FAM83F: variants seen among roughly 807,000 people sequenced by gnomAD.
FAM83F encodes the protein protein FAM83F.
In FAM83F, 45 loss-of-function variants were observed where a neutral mutation model predicts 42.9. The observed-to-expected ratio is 1.05, with a 90% CI of 0.83 to 1.35. The LOEUF (loss-of-function observed/expected upper bound fraction) is 1.35. Ranked by LOEUF, FAM83F falls within the 40% of genes most tolerant of loss-of-function variation. The pLI is 0.00. For missense variants in FAM83F, 617 were observed against 695.9 expected (o/e 0.89, Z 1.28); for synonymous variants, 306 against 298.3 (o/e 1.03, Z -0.27).
intron 1 of FAM83F, among the ~76,000 whole-genome samples, chr22:40,016,474 C>T (rs2067492852): frequency 6.6e-6 from 1 of 152,060 alleles, no homozygotes; most frequent in Non-Finnish European, 1.5e-5. Context: ...GCTGGGATTA[C>T]AGGTGTAAGC....
At position 40,000,739 on chromosome 22, in the gene FAM83F, C is replaced by T. The variant is rs186313497; in HGVS notation, c.489+5208C>T. On this transcript the variant is annotated intron_variant, in intron 1 of 4. Transcript: ENST00000333407. ...AGAGCTGGTCCCAATTCTTGACTTG[C>T]TCCTAATACCTTCCTGCCTCCCTCT... 2.6e-3 allele frequency among the ~76,000 whole-genome samples: 392 copies of T among 152,316 alleles called. 3 individuals are homozygous for T. The highest frequency in any genetic ancestry group is 8.7e-3 in the African/African-American group (363 of 41,576).
Position 40,031,797 on chromosome 22 carries a change from A to AC in FAM83F, c.*2238dup, listed in dbSNP as rs1024769742. 3 of 152,020 alleles carry AC rather than the reference A, an allele frequency of 2.0e-5. No homozygotes were observed. Among genetic ancestry groups the AC allele is most frequent in the African/African-American group, 7.3e-5 (3 of 41,368 alleles). 9.4% of individuals were successfully genotyped at this position (152,020 alleles called of 1,614,324 possible). ...GCAGTGTGGACAAGATGGTGTCGGCACCCCCCGCTCCAAAAGGCTTGAGAC... is the reference window on the plus strand; with the variant it reads ...GCAGTGTGGACAAGATGGTGTCGGCACCCCCCCGCTCCAAAAGGCTTGAGAC... On this transcript the variant is annotated 3_prime_UTR_variant, in exon 5 of 5. Coordinates refer to ENST00000333407, the MANE Select transcript of FAM83F (RefSeq NM_138435.4).
Position 40,042,926 on chromosome 22 carries a change from C to T in FAM83F, c.*13361C>T, listed in dbSNP as rs1261302722. 8 of 152,134 alleles carry T rather than the reference C, an allele frequency of 5.3e-5. No homozygotes were observed. Among genetic ancestry groups the T allele is most frequent in the Non-Finnish European group, 1.2e-4 (8 of 68,020 alleles). The allele number at this position is 152,134 out of a possible 1,614,324, so 9.4% of individuals were successfully genotyped here. On this transcript the variant is annotated 3_prime_UTR_variant, in exon 5 of 5. Transcript: ENST00000333407. ...TTCATTGTGTTTTTGAGTTCAGAAT[C>T]CCCATACTGGAAGGCTAATATGGGG...
rs898005172 is a variant in FAM83F, at chr22:40,023,840, G to A, written c.1453+1877G>A. Among the ~76,000 whole-genome samples, 10 of 152,116 alleles carry A rather than the reference G, an allele frequency of 6.6e-5. No homozygotes were observed. The highest frequency in any genetic ancestry group is 2.2e-4 in the African/African-American group (9 of 41,418). ...CAGCCAGGAAGGTCCGGGGATGCCC[G>A]GAACCATCATCCCGTTCCTTGTCCG... On this transcript the variant is annotated intron_variant, in intron 4 of 4. Coordinates refer to ENST00000333407, the MANE Select transcript of FAM83F (RefSeq NM_138435.4). This position sits in a 1 kb window ranked among gnomAD's most constrained non-coding sequence, Gnocchi z 4.1.
At chr22:40,029,078 GACGTGTGTGTGTGTGTGTGTGTGTGTGT>G (rs987754973) in intron 4 of FAM83F, among the ~76,000 whole-genome samples, 2 of 135,234 alleles carry the variant, frequency 1.5e-5, no homozygotes, top group African/African-American at 5.7e-5. Flanking sequence ...CTCTTGGCTA[GACGTGTGTGTGTGTGTGTGTGTGTGTGT>G]GTGTGTGTGT....
intron 4 of FAM83F, among the ~76,000 whole-genome samples, chr22:40,028,986 C>A (rs896620479): frequency 6.6e-6 from 1 of 152,090 alleles, no homozygotes; most frequent in African/African-American, 2.4e-5. Context: ...AATGCGGCAG[C>A]CCGGGAGGGG....
At chr22:40,013,082 CAAAAA>C (rs754625979) in intron 1 of FAM83F, among the ~76,000 whole-genome samples, 6 of 46,394 alleles carry the variant, frequency 1.3e-4, no homozygotes, top group East Asian at 1.6e-3. Context: ...GACTCCGTTT[CAAAAA>C]AAAAAAAAAA....
intron 1 of FAM83F, among the ~76,000 whole-genome samples, chr22:40,005,777 T>C (rs531296688): frequency 6.6e-6 from 1 of 152,302 alleles, no homozygotes; most frequent in Admixed American, 6.5e-5. Context: ...CTGGGTGGAA[T>C]TGGGCTCTGC....
chr22:39,995,484 C>A lies in FAM83F; in HGVS notation c.442C>A (p.Pro148Thr), dbSNP rs867751149. ...CCACCCGCCCAAGGACGAGAAGGCG[C>A]CGCACCTCAAGCAGGTGGTCAGGCA... ...FTHPPKDEKA[P>T]HLKQVVRQMI... is the part of the protein sequence containing the mutation. Residue 148 changes from proline to threonine, a missense_variant, in exon 1 of 5, where the codon CCG (proline) becomes ACG (threonine). Physicochemically the swap from Pro to Thr is conservative, Grantham distance 38. Coordinates refer to ENST00000333407, the MANE Select transcript of FAM83F (RefSeq NM_138435.4). This position sits in a 1 kb window ranked among gnomAD's most constrained non-coding sequence, Gnocchi z 4.6. 1 of 1,578,846 alleles carries A rather than the reference C, an allele frequency of 6.3e-7. No individual in the cohort carries two copies. Among genetic ancestry groups the A allele is most frequent in the East Asian group, 2.3e-5 (1 of 42,784 alleles).
chr22:39,999,011 G>A (rs1166661864), intron 1 of FAM83F: 1 of 152,238 alleles, frequency 6.6e-6, no homozygotes, highest in Non-Finnish European at 1.5e-5. Context: ...TGGCAACTTG[G>A]AAGGATTGTG....
Position 40,039,805 on chromosome 22 carries a change from C to T in FAM83F, c.*10240C>T, listed in dbSNP as rs561983714. 5 of 152,336 alleles carry T rather than the reference C, an allele frequency of 3.3e-5. No homozygotes were observed. The highest frequency in any genetic ancestry group is 4.1e-4 in the South Asian group (2 of 4,828). 9.4% of individuals were successfully genotyped at this position (152,336 alleles called of 1,614,324 possible). A position where few individuals can be genotyped will look rare whatever the true frequency, so the allele number is the denominator to read the frequency against. On this transcript the variant is annotated 3_prime_UTR_variant, in exon 5 of 5. Coordinates refer to ENST00000333407, the MANE Select transcript of FAM83F (RefSeq NM_138435.4). ...CAAAGAAAAGATTCTCAGAGTAAAA[C>T]GTATTGGTGAAGCCATGGAAACAAG...
intron 1 of FAM83F, among the ~76,000 whole-genome samples, chr22:40,005,479 A>G (rs1429496037): frequency 6.6e-6 from 1 of 152,258 alleles, no homozygotes; most frequent in Non-Finnish European, 1.5e-5. Flanking sequence ...GATCTTACAA[A>G]GAATTGCTCT....
chr22:40,020,000 A>G lies in FAM83F; in HGVS notation c.771A>G (p.Gly257=), dbSNP rs1236783935. 1 of 1,612,736 alleles carries G rather than the reference A, an allele frequency of 6.2e-7. No homozygotes were observed. The highest frequency in any genetic ancestry group is 1.1e-5 in the South Asian group (1 of 90,934). Reference sequence around the variant, plus strand: ...TGGACGGTGACAAAGTGGCCACTGGATCTTACAGGTGAGTTGGGCCGGATC... The same window carrying G: ...TGGACGGTGACAAAGTGGCCACTGGGTCTTACAGGTGAGTTGGGCCGGATC... ...LMVDGDKVAT[G]SYRFTWSSSH... is the part of the protein sequence containing the mutation. Residue 257 remains glycine, a synonymous_variant, in exon 3 of 5, where the codon GGA becomes GGG. Transcript: ENST00000333407.
Position 40,037,025 on chromosome 22 carries a change from T to A in FAM83F, c.*7460T>A, listed in dbSNP as rs2146251882. 1 of 152,336 alleles carries A rather than the reference T, an allele frequency of 6.6e-6. No individual in the cohort carries two copies. Among genetic ancestry groups the A allele is most frequent in the Admixed American group, 6.5e-5 (1 of 15,292 alleles). 9.4% of individuals were successfully genotyped at this position (152,336 alleles called of 1,614,324 possible). ...TGTTCCAGTGAAACCTTATGAATACTGAAATCTGAATCCATAATTTTCATG... is the reference window on the plus strand; with the variant it reads ...TGTTCCAGTGAAACCTTATGAATACAGAAATCTGAATCCATAATTTTCATG... On this transcript the variant is annotated 3_prime_UTR_variant, in exon 5 of 5. Transcript: ENST00000333407.
intron 1 of FAM83F, chr22:40,010,215 A>G (rs991787294): frequency 4.0e-5 from 6 of 150,834 alleles, no homozygotes; most frequent in African/African-American, 1.5e-4. Context: ...AGCCCATGAT[A>G]TCATGTTTTT....
chr22:40,009,422 G>T (rs2067451764), intron 1 of FAM83F, among the ~76,000 whole-genome samples: 2 of 152,218 alleles, frequency 1.3e-5, no homozygotes, highest in South Asian at 4.1e-4. Context: ...TCTTTCTCTG[G>T]CCATGCATCT....
At chr22:39,996,622 T>C (rs2067374461) in intron 1 of FAM83F, among the ~76,000 whole-genome samples, 1 of 152,144 alleles carries the variant, frequency 6.6e-6, no homozygotes, top group African/African-American at 2.4e-5. Flanking sequence ...GTGAGTGAGG[T>C]TGGAGTCCTG....
chr22:40,043,142 G>A lies in FAM83F; in HGVS notation c.*13577G>A, dbSNP rs1402803309. On this transcript the variant is annotated 3_prime_UTR_variant, in exon 5 of 5. Coordinates refer to ENST00000333407, the MANE Select transcript of FAM83F (RefSeq NM_138435.4). ...TTGAGCATTGTTACTATGTTACAAT[G>A]GTTGTTTTATTATTAAAGCAGTGCC... 1.6e-4 allele frequency: 24 copies of A among 152,136 alleles called. No homozygotes were observed. Among genetic ancestry groups the A allele is most frequent in the Non-Finnish European group, 1.5e-5 (1 of 68,028 alleles). The allele number at this position is 152,136 out of a possible 1,614,324, so 9.4% of individuals were successfully genotyped here.
intron 1 of FAM83F, chr22:39,999,128 ATCT>A (rs2067384855): frequency 6.6e-6 from 1 of 152,224 alleles, no homozygotes; most frequent in Admixed American, 6.5e-5. Flanking sequence ...AAATAGCCTA[ATCT>A]TCTGCTGATC....
Sources: gnomAD v4.1 joint callset for allele counts (sites outside exome capture counted in the v4.1 genomes callset) on GRCh38, gnomAD v4.1.1 for gene constraint, Gnocchi (gnomAD v3.1) non-coding constraint, MANE v1.5 for transcripts, NCBI Gene and HGNC (gene_info 2026-07-23, HGNC 2026-07-21) for gene names.